Variants in MIDEAS observed in about 807,000 individuals in gnomAD.
MIDEAS encodes the protein mitotic deacetylase associated SANT domain protein, also known as mitotic deacetylase-associated SANT domain protein.
MIDEAS carries 26 observed loss-of-function variants against 102.7 expected under a neutral mutation model. The ratio of observed to expected loss-of-function variants is 0.25; its 90% CI spans 0.19 to 0.35. The LOEUF is 0.35. Ranked by LOEUF, MIDEAS falls within the 10% of genes least tolerant of loss-of-function variation. MIDEAS has a pLI of 1.00. For synonymous variants in MIDEAS, 585 were observed against 591.0 expected (o/e 0.99, Z 0.15); for missense variants, 1,231 against 1,435.6 (o/e 0.86, Z 2.30).
chr14:73,739,110 T>G lies in MIDEAS; in HGVS notation c.899A>C (p.His300Pro), dbSNP rs1348469567. The part of the protein sequence containing the change: ...LQPAGPLGQS[H>P]LAHHSMAPYP... ...GGGTGCCATGCTGTGGTGAGCCAGG[T>G]GGGACTGTCCCAGTGGCCCAGCTGG... The change falls in exon 2 of 13, where the codon CAC (histidine) becomes CCC (proline). Residue 300 changes from histidine (H) to proline (P), a missense_variant. Physicochemically the swap from His to Pro is moderately conservative, Grantham distance 77 (BLOSUM62 -2). Transcript: ENST00000423556. The G allele has an allele frequency of 6.2e-7, 1 of 1,606,998 alleles. No homozygotes were observed. The highest frequency in any genetic ancestry group is 1.1e-5 in the South Asian group (1 of 90,114).
At position 73,759,573 on chromosome 14, in the gene MIDEAS, A is replaced by G. The variant is rs1316853511; in HGVS notation, c.-248+190T>C. On this transcript the variant is annotated intron_variant, in intron 1 of 12. Coordinates refer to ENST00000423556, the MANE Select transcript of MIDEAS (RefSeq NM_001367710.1). This position sits in a 1 kb window ranked among gnomAD's most constrained non-coding sequence, Gnocchi z 6.7. ...CTGCAGGCGGCCCCCGCACGGCCAC[A>G]CGCGCCCGCTCCACCGCCGCCCAGG... Among the ~76,000 whole-genome samples, 1 of 148,446 alleles carries G rather than the reference A, an allele frequency of 6.7e-6. No individual in the cohort carries two copies. Among genetic ancestry groups the G allele is most frequent in the Middle Eastern group, 3.2e-3 (1 of 314 alleles).
At chr14:73,781,366 C>G (rs1475978984) in intron 1 of MIDEAS, among the ~76,000 whole-genome samples, 2 of 152,210 alleles carry the variant, frequency 1.3e-5, no homozygotes, top group South Asian at 4.1e-4. Flanking sequence ...TTATTAAACT[C>G]AGTTTATACA....
chr14:73,767,330 T>C (rs1445016377), intron 1 of MIDEAS, among the ~76,000 whole-genome samples: 1 of 152,158 alleles, frequency 6.6e-6, no homozygotes, highest in Non-Finnish European at 1.5e-5. Flanking sequence ...TCAGTAGCTG[T>C]TGGGCAAACA....
chr14:73,729,310 G>A, intron 4 of MIDEAS: 1 of 243,132 alleles, frequency 4.1e-6, no homozygotes, highest in Non-Finnish European at 8.0e-6. Context: ...AAAAATAGTT[G>A]AATATTGGCA....
intron 1 of MIDEAS, among the ~76,000 whole-genome samples, chr14:73,745,780 C>T (rs2053343748): frequency 6.6e-6 from 1 of 152,344 alleles, no homozygotes; most frequent in African/African-American, 2.4e-5. Context: ...GCACTATTCT[C>T]AAGGGGTTTG....
intron 1 of MIDEAS, among the ~76,000 whole-genome samples, chr14:73,748,611 C>G (rs1221769274): frequency 6.6e-6 from 1 of 151,454 alleles, no homozygotes; most frequent in Non-Finnish European, 1.5e-5. Flanking sequence ...AATGGCTATA[C>G]TAATATCAGA....
At chr14:73,746,526 C>T (rs2053353476) in intron 1 of MIDEAS, among the ~76,000 whole-genome samples, 1 of 152,174 alleles carries the variant, frequency 6.6e-6, no homozygotes, top group Non-Finnish European at 1.5e-5. Context: ...GTGAGGGCCT[C>T]CTGGGACCGC....
intron 12 of MIDEAS, 59 bp downstream of exon 12, chr14:73,719,246 C>T: frequency 1.9e-6 from 3 of 1,540,556 alleles, no homozygotes; most frequent in Non-Finnish European, 2.6e-6. Flanking sequence ...ACCCCACCCC[C>T]GCCCCCTCCG....
chr14:73,716,801 G>A lies in MIDEAS; in HGVS notation c.*2042C>T, dbSNP rs2052899088. On this transcript the variant is annotated 3_prime_UTR_variant, in exon 13 of 13. Coordinates refer to ENST00000423556, the MANE Select transcript of MIDEAS (RefSeq NM_001367710.1). ...TTACCGTATGCCCATAAAGGGGCCT[G>A]AAACCAAATATGATTTGAATAGAAA... The A allele has an allele frequency of 1.3e-5, 2 of 152,274 alleles. No homozygotes were observed. Among genetic ancestry groups the A allele is most frequent in the South Asian group, 4.1e-4 (2 of 4,830 alleles). 9.4% of individuals were successfully genotyped at this position (152,274 alleles called of 1,614,324 possible).
upstream of MIDEAS, among the ~76,000 whole-genome samples, chr14:73,762,272 A>G (rs149030925): frequency 9.1e-4 from 139 of 152,338 alleles, no homozygotes; most frequent in East Asian, 0.026. Flanking sequence ...AGAGCCTGCC[A>G]TCATGGAGCC....
At chr14:73,779,348 T>C (rs1016471153) in intron 1 of MIDEAS, among the ~76,000 whole-genome samples, 2 of 147,162 alleles carry the variant, frequency 1.4e-5, no homozygotes, top group Non-Finnish European at 3.0e-5. Flanking sequence ...TGAGCCTAGA[T>C]TGCACCACTG....
chr14:73,722,686 A>T lies in MIDEAS; in HGVS notation c.2724+12T>A, dbSNP rs1177608419. The T allele has an allele frequency of 6.2e-7, 1 of 1,612,756 alleles. No homozygotes were observed. The highest frequency in any genetic ancestry group is 8.5e-7 in the Non-Finnish European group (1 of 1,179,158). On this transcript the variant is annotated intron_variant, in intron 10 of 12. Transcript: ENST00000423556. ...CCAGGCTCTATGCAGCTGAGGTTGG[A>T]AAAGGAGTCACCTTAATATCCACTT...
In MIDEAS at chr14:73,715,248, T is replaced by C. The variant is rs1595243188; in HGVS notation, c.*3595A>G. ...CTTTAGTGTATTAATTTTTTTCTTA[T>C]AAAAAGCACACAAAAAATAAAATCT... On this transcript the variant is annotated 3_prime_UTR_variant, in exon 13 of 13. Coordinates refer to ENST00000423556, the MANE Select transcript of MIDEAS (RefSeq NM_001367710.1). The C allele has an allele frequency of 6.5e-6, 1 of 152,748 alleles. No homozygotes were observed. Among genetic ancestry groups the C allele is most frequent in the Admixed American group, 6.5e-5 (1 of 15,306 alleles). 9.5% of individuals were successfully genotyped at this position (152,748 alleles called of 1,614,324 possible).
At chr14:73,766,796 G>A (rs995599979) in intron 1 of MIDEAS, among the ~76,000 whole-genome samples, 10 of 150,062 alleles carry the variant, frequency 6.7e-5, no homozygotes, top group Non-Finnish European at 1.0e-4. Flanking sequence ...CTCATCATCT[G>A]CCCGTCTCAG....
At chr14:73,783,717 G>T (rs542002030) in intron 1 of MIDEAS, among the ~76,000 whole-genome samples, 28 of 152,360 alleles carry the variant, frequency 1.8e-4, no homozygotes, top group African/African-American at 5.8e-4. Flanking sequence ...AAAGAAGAAG[G>T]TTTAAGGGGC....
At chr14:73,736,416 G>C (rs1396856271) in intron 3 of MIDEAS, among the ~76,000 whole-genome samples, 5 of 152,008 alleles carry the variant, frequency 3.3e-5, no homozygotes, top group African/African-American at 1.2e-4. Context: ...CGGATCACGA[G>C]GTCAGGAGAT....
chr14:73,718,832 G>C lies in MIDEAS; in HGVS notation c.*11C>G. 7.0e-7 allele frequency: 1 copy of C among 1,430,826 alleles called. No individual in the cohort carries two copies. The highest frequency in any genetic ancestry group is 9.1e-7 in the Non-Finnish European group (1 of 1,101,500). 88.6% of individuals were successfully genotyped at this position (1,430,826 alleles called of 1,614,324 possible). On this transcript the variant is annotated 3_prime_UTR_variant, in exon 13 of 13. Transcript: ENST00000423556. ...CCGAGGCCCAGGACTGGGCCAGCCTGGCTCCCGCGCTCAGCCCTTGTCGCC... is the reference window on the plus strand; with the variant it reads ...CCGAGGCCCAGGACTGGGCCAGCCTCGCTCCCGCGCTCAGCCCTTGTCGCC...
chr14:73,776,473 C>T (rs1290699179), intron 1 of MIDEAS, among the ~76,000 whole-genome samples: 2 of 148,594 alleles, frequency 1.3e-5, no homozygotes, highest in Non-Finnish European at 1.5e-5. Context: ...GGCTTAAGCC[C>T]GGGAATTCAA....
chr14:73,787,778 G>A (rs1052897324), upstream of MIDEAS, among the ~76,000 whole-genome samples: 1 of 152,168 alleles, frequency 6.6e-6, no homozygotes, highest in Non-Finnish European at 1.5e-5. Context: ...TGAGCAAGAC[G>A]TTTACCACGT....
Sources: gnomAD v4.1 joint callset for allele counts (sites outside exome capture counted in the v4.1 genomes callset) on GRCh38, gnomAD v4.1.1 for gene constraint, Gnocchi (gnomAD v3.1) non-coding constraint, MANE v1.5 for transcripts, NCBI Gene and HGNC (gene_info 2026-07-23, HGNC 2026-07-21) for gene names.